ADAM7: variants seen among roughly 807,000 people sequenced by gnomAD.
ADAM7 encodes disintegrin and metalloproteinase domain-containing protein 7.
In ADAM7, 97 loss-of-function variants were observed where a neutral mutation model predicts 102.9. The ratio of observed to expected loss-of-function variants is 0.94; its 90% confidence interval spans 0.80 to 1.12. ADAM7 has a LOEUF of 1.12. Ranked by LOEUF, ADAM7 falls within the 50% of genes most tolerant of loss-of-function variation. The pLI is 0.00. For synonymous variants in ADAM7, 334 were observed against 304.4 expected (o/e 1.10, Z -1.01); for missense variants, 991 against 908.7 (o/e 1.09, Z -1.16).
intron 20 of ADAM7, among the ~76,000 whole-genome samples, chr8:24,502,584 T>C (rs1420799383): frequency 1.3e-5 from 2 of 152,032 alleles, no homozygotes; most frequent in Non-Finnish European, 2.9e-5. Flanking sequence ...AAATATTAAG[T>C]TGATAATTAG....
At chr8:24,491,539 A>G (rs2129392111) in intron 13 of ADAM7, among the ~76,000 whole-genome samples, 1 of 152,216 alleles carries the variant, frequency 6.6e-6, no homozygotes, top group Non-Finnish European at 1.5e-5. Flanking sequence ...AGATTTCCTC[A>G]TTATAAGCAG....
chr8:24,487,073 A>G, intron 10 of ADAM7, 114 bp from the exon 11 acceptor site: 1 of 1,107,240 alleles, frequency 9.0e-7, no homozygotes, highest in Admixed American at 2.7e-5. Context: ...CTTTTTAAAT[A>G]GATACCAGTT....
intron 3 of ADAM7, among the ~76,000 whole-genome samples, chr8:24,453,683 G>A (rs143137985): frequency 0.021 from 3,151 of 152,232 alleles, 121 homozygotes; most frequent in African/African-American, 0.072. Flanking sequence ...GCTTTATTCC[G>A]TTGCTGGTGA....
chr8:24,490,979 C>A lies in ADAM7; in HGVS notation c.1356+91C>A, dbSNP rs1453634445. ...ATCTAACCACTGGACAGCCCTGCAC[C>A]ACTGACTCCAAAATGAAGCTAGGCT... On this transcript the variant is annotated intron_variant, in intron 13 of 21. Transcript: ENST00000175238. The A allele has an allele frequency of 4.8e-6, 6 of 1,254,256 alleles. No homozygotes were observed. In the East Asian group the frequency reaches 1.4e-4, roughly 29 times the overall value. The allele number at this position is 1,254,256 out of a possible 1,614,324, so 77.7% of individuals were successfully genotyped here. A position where few individuals can be genotyped will look rare whatever the true frequency, so the allele number is the denominator to read the frequency against.
intron 3 of ADAM7, among the ~76,000 whole-genome samples, chr8:24,455,941 C>A (rs1279413181): frequency 6.6e-6 from 1 of 152,020 alleles, no homozygotes; most frequent in African/African-American, 2.4e-5. Flanking sequence ...ATTAACATAT[C>A]TATCACCTCA....
chr8:24,448,823 C>T (rs1236309573), intron 3 of ADAM7, among the ~76,000 whole-genome samples: 1 of 152,056 alleles, frequency 6.6e-6, no homozygotes, highest in Non-Finnish European at 1.5e-5. Context: ...CCACAACAGT[C>T]CCCAGTGTGT....
Position 24,489,201 on chromosome 8 carries a change from C to G in ADAM7, c.1134C>G (p.Tyr378Ter), listed in dbSNP as rs1820251378. The G allele has an allele frequency of 6.2e-7, 1 of 1,612,424 alleles. No individual in the cohort carries two copies. Among genetic ancestry groups the G allele is most frequent in the African/African-American group, 1.3e-5 (1 of 74,826 alleles). The change falls in exon 12 of 22, where the codon TAC becomes TAG. Residue 378 changes from tyrosine to a stop codon, truncating the protein, a stop_gained. Coordinates refer to ENST00000175238, the MANE Select transcript of ADAM7 (RefSeq NM_003817.4). LOFTEE classifies it high-confidence loss of function. ...TCAGTAAATGCAGCCAAAACCAATA[C>G]CACCAGTACTTGAAGGATTATAAGC... ...LKFSKCSQNQ[Y>*]HQYLKDYKPT...
At chr8:24,445,208 CTCA>C (rs1365569322) in intron 2 of ADAM7, among the ~76,000 whole-genome samples, 1 of 151,970 alleles carries the variant, frequency 6.6e-6, no homozygotes. Flanking sequence ...ACACATACAA[CTCA>C]TCATGTTGCA....
chr8:24,485,055 C>T lies in ADAM7; in HGVS notation c.876-222C>T, dbSNP rs184095907. Among the ~76,000 whole-genome samples the T allele has an allele frequency of 5.9e-3, 896 of 151,980 alleles. 11 individuals carry two copies. The highest frequency in any genetic ancestry group is 0.02 in the African/African-American group (843 of 41,436). On this transcript the variant is annotated intron_variant, in intron 9 of 21. Coordinates refer to ENST00000175238, the MANE Select transcript of ADAM7 (RefSeq NM_003817.4). ...TCTTGACCTCGTGATCCACCTGCCTCGGCCTCCCAAGTGCACTGGCTTTTT... is the reference window on the plus strand; with the variant it reads ...TCTTGACCTCGTGATCCACCTGCCTTGGCCTCCCAAGTGCACTGGCTTTTT...
intron 3 of ADAM7, among the ~76,000 whole-genome samples, chr8:24,448,621 T>C (rs1431885714): frequency 2.0e-5 from 3 of 151,644 alleles, no homozygotes; most frequent in Non-Finnish European, 2.9e-5. Context: ...ATGACCACAC[T>C]TTTCAACATT....
chr8:24,447,810 C>T (rs113863146), intron 3 of ADAM7, among the ~76,000 whole-genome samples: 1 of 152,026 alleles, frequency 6.6e-6, no homozygotes, highest in African/African-American at 2.4e-5. Context: ...CATTTCTACA[C>T]AAAATAGCTC....
rs146786679 is a variant in ADAM7 at position 24,466,127 on chromosome 8, T to C, written c.389+352T>C. ...CATTTGCTAGTGGTAAAATTGAGCCTGAAACCCAGGTCTTTTGAAGGCTAG... is the reference window on the plus strand; with the variant it reads ...CATTTGCTAGTGGTAAAATTGAGCCCGAAACCCAGGTCTTTTGAAGGCTAG... On this transcript the variant is annotated intron_variant, in intron 5 of 21. Coordinates refer to ENST00000175238, the MANE Select transcript of ADAM7 (RefSeq NM_003817.4). Among the ~76,000 whole-genome samples, 656 of 152,352 alleles carry C rather than the reference T, an allele frequency of 4.3e-3. 5 individuals are homozygous for C. Among genetic ancestry groups the C allele is most frequent in the Admixed American group, 7.2e-3 (110 of 15,302 alleles).
chr8:24,491,934 C>G lies in ADAM7; in HGVS notation c.1388C>G (p.Ala463Gly). ...AAAGCAGGGTCCATATGCAGACCGG[C>G]GAAAGATGAATGTGATTTTCCTGAG... The part of the protein sequence containing the change: ...IKKAGSICRP[A>G]KDECDFPEMC... Residue 463 changes from alanine (A) to glycine (G), a missense_variant, in exon 14 of 22, where the codon GCG becomes GGG. Transcript: ENST00000175238. 2 of 1,612,576 alleles carry G rather than the reference C, an allele frequency of 1.2e-6. No individual in the cohort carries two copies. The highest frequency in any genetic ancestry group is 1.7e-6 in the Non-Finnish European group (2 of 1,179,342).
chr8:24,508,757 G>A lies in ADAM7; in HGVS notation c.*211G>A. 1.5e-6 allele frequency: 2 copies of A among 1,354,066 alleles called. No individual in the cohort carries two copies. Among genetic ancestry groups the A allele is most frequent in the African/African-American group, 1.5e-5 (1 of 68,060 alleles). 83.9% of individuals were successfully genotyped at this position (1,354,066 alleles called of 1,614,324 possible). On this transcript the variant is annotated 3_prime_UTR_variant, in exon 22 of 22. Transcript: ENST00000175238. ...ACACCCTCTATCATAAACATATGCT[G>A]CAGAAAAAAAATGTCTTGTGGTCTT...
At chr8:24,472,673 T>TA (rs998900519) in intron 7 of ADAM7, among the ~76,000 whole-genome samples, 33 of 151,958 alleles carry the variant, frequency 2.2e-4, no homozygotes, top group African/African-American at 7.5e-4. Flanking sequence ...ATAAATGGAC[T>TA]AAGAGTCCAA....
In ADAM7 at chr8:24,442,443, C is replaced by T. The variant is rs750744640; in HGVS notation, c.53-30C>T. 15 of 1,465,440 alleles carry T rather than the reference C, an allele frequency of 1.0e-5. No homozygotes were observed. The East Asian group carries it at 3.4e-4, about 33-fold the overall frequency. The allele number at this position is 1,465,440 out of a possible 1,614,324, so 90.8% of individuals were successfully genotyped here. A position where few individuals can be genotyped will look rare whatever the true frequency, so the allele number is the denominator to read the frequency against. Reference sequence around the variant, plus strand: ...GCTGTAGACGAATGTTAATGTCAGACGGATTTTTTCCTCTTATGTTTCCTC... The same window carrying T: ...GCTGTAGACGAATGTTAATGTCAGATGGATTTTTTCCTCTTATGTTTCCTC... On this transcript the variant is annotated intron_variant, in intron 1 of 21. Transcript: ENST00000175238.
At chr8:24,494,756 A>G (rs943422701) in intron 16 of ADAM7, among the ~76,000 whole-genome samples, 1 of 152,188 alleles carries the variant, frequency 6.6e-6, no homozygotes, top group Non-Finnish European at 1.5e-5. Flanking sequence ...TTTTTAGACT[A>G]TGAGCTATGT....
intron 20 of ADAM7, among the ~76,000 whole-genome samples, chr8:24,502,428 C>T (rs568824270): frequency 6.6e-6 from 1 of 151,874 alleles, no homozygotes; most frequent in Non-Finnish European, 1.5e-5. Flanking sequence ...TCAGATTGAT[C>T]ACTAATGAAA....
intron 4 of ADAM7, among the ~76,000 whole-genome samples, chr8:24,465,107 G>A (rs1819382108): frequency 6.6e-6 from 1 of 152,110 alleles, no homozygotes; most frequent in Admixed American, 6.6e-5. Context: ...TTCTATGAGA[G>A]CTAAGTCTTC....
Sources: gnomAD v4.1 joint callset for allele counts (sites outside exome capture counted in the v4.1 genomes callset) on GRCh38, gnomAD v4.1.1 for gene constraint, MANE v1.5 for transcripts, NCBI Gene and HGNC (gene_info 2026-07-23, HGNC 2026-07-21) for gene names.